Variants in MYT1L observed in about 807,000 individuals in gnomAD.
MYT1L encodes myelin transcription factor 1-like protein.
A neutral mutation model predicts 126.7 loss-of-function variants in MYT1L; 12 were observed. The observed-to-expected ratio is 0.09, with a 90% CI of 0.06 to 0.15. The LOEUF (loss-of-function observed/expected upper bound fraction) is 0.15, where lower values mean the gene tolerates loss of function less well. MYT1L is among the 10% of genes least tolerant of loss of function. The pLI is 1.00. For missense variants in MYT1L, 979 were observed against 1,585.2 expected (o/e 0.62, Z 6.49); for synonymous variants, 541 against 604.2 (o/e 0.90, Z 1.53).
At chr2:2,088,675 T>C (rs995316499) in intron 3 of MYT1L, among the ~76,000 whole-genome samples, 1 of 151,956 alleles carries the variant, frequency 6.6e-6, no homozygotes, top group East Asian at 1.9e-4. Context: ...ATAAAAAATA[T>C]GTAATTTTCC....
In MYT1L at chr2:1,878,495, C is replaced by CAGAAA. The variant is rs1243551845; in HGVS notation, c.2711+8043_2711+8044insTTTCT. ...CTCTTGTTCTTTGTGTAGTAAAAAC[C>CAGAAA]ACACAAAGAACAATATAAAATAAGT... On this transcript the variant is annotated intron_variant, in intron 18 of 24. Coordinates refer to ENST00000647738, the MANE Select transcript of MYT1L (RefSeq NM_001303052.2). Among the ~76,000 whole-genome samples the CAGAAA allele has an allele frequency of 4.6e-5, 7 of 152,116 alleles. No individual in the cohort carries two copies. The East Asian group carries it at 1.4e-3, about 29-fold the overall frequency.
At chr2:2,257,260 C>G (rs1316015361) in intron 2 of MYT1L, among the ~76,000 whole-genome samples, 2 of 152,170 alleles carry the variant, frequency 1.3e-5, no homozygotes, top group African/African-American at 2.4e-5. Context: ...AAACACACAG[C>G]CCCTGCAATT....
At chr2:2,174,713 A>C (rs1381435811) in intron 2 of MYT1L, among the ~76,000 whole-genome samples, 1 of 152,116 alleles carries the variant, frequency 6.6e-6, no homozygotes, top group Non-Finnish European at 1.5e-5. Flanking sequence ...TAAACTTGAC[A>C]TTATTGATAC....
intron 18 of MYT1L, among the ~76,000 whole-genome samples, chr2:1,853,746 C>T (rs1026274924): frequency 1.3e-5 from 2 of 152,156 alleles, no homozygotes; most frequent in Non-Finnish European, 2.9e-5. Context: ...AAAATTTATT[C>T]ATTTTAATAT....
intron 8 of MYT1L, among the ~76,000 whole-genome samples, chr2:1,961,971 G>T (rs1197933865): frequency 1.3e-5 from 2 of 152,154 alleles, no homozygotes; most frequent in Non-Finnish European, 2.9e-5. Flanking sequence ...GATGTTTCTA[G>T]CATAAAGACA....
intron 21 of MYT1L, among the ~76,000 whole-genome samples, chr2:1,829,758 C>CTCCCATACACCTGTGAATTGACCT (rs2039884250): frequency 1.5e-4 from 13 of 88,424 alleles, no homozygotes; most frequent in Admixed American, 1.2e-3. Context: ...TGAATTGACC[C>CTCCCATACACCTGTGAATTGACCT]TCCCATACAC....
chr2:2,330,791 T>A (rs1394648790), intron 1 of MYT1L, among the ~76,000 whole-genome samples, 176 bp downstream of exon 1: 1 of 152,130 alleles, frequency 6.6e-6, no homozygotes. Context: ...TAAAGACAGA[T>A]TTTTTTGTGG....
At chr2:2,328,929 G>T (rs115330774) in intron 1 of MYT1L, among the ~76,000 whole-genome samples, 2 of 152,104 alleles carry the variant, frequency 1.3e-5, no homozygotes, top group Non-Finnish European at 2.9e-5. Context: ...GACCATGAAG[G>T]CTTCTCCTAC....
intron 4 of MYT1L, among the ~76,000 whole-genome samples, chr2:2,016,447 C>A (rs556304164): frequency 5.3e-5 from 8 of 152,334 alleles, no homozygotes; most frequent in African/African-American, 1.9e-4. Context: ...GCACACGAAA[C>A]CCTAGCTCAA....
chr2:2,093,881 A>G (rs1173989884), intron 3 of MYT1L, among the ~76,000 whole-genome samples: 4 of 152,238 alleles, frequency 2.6e-5, no homozygotes, highest in African/African-American at 9.6e-5. Flanking sequence ...GGTGTAAGGA[A>G]GGGATCCAGT....
At chr2:1,914,007 G>C (rs1047529650) in intron 11 of MYT1L, among the ~76,000 whole-genome samples, 2 of 152,060 alleles carry the variant, frequency 1.3e-5, no homozygotes, top group African/African-American at 4.8e-5. Context: ...TGTAATTCCA[G>C]CACTTTGGGA....
intron 2 of MYT1L, among the ~76,000 whole-genome samples, chr2:2,204,363 C>T (rs1381959643): frequency 2.6e-5 from 4 of 151,448 alleles, no homozygotes; most frequent in Non-Finnish European, 5.9e-5. Context: ...ACCTACTCAT[C>T]TGACAAAGGG....
chr2:2,243,039 C>T (rs1018922009), intron 2 of MYT1L, among the ~76,000 whole-genome samples: 1 of 152,040 alleles, frequency 6.6e-6, no homozygotes, highest in African/African-American at 2.4e-5. Context: ...GGATGGATGG[C>T]TATCTGTTGA....
intron 2 of MYT1L, among the ~76,000 whole-genome samples, chr2:2,211,405 C>G (rs891819893): frequency 1.3e-5 from 2 of 152,080 alleles, no homozygotes; most frequent in African/African-American, 4.8e-5. Flanking sequence ...CTTCATGTAT[C>G]GTTTTTTTTA....
chr2:2,049,193 G>T (rs934360076), intron 4 of MYT1L, among the ~76,000 whole-genome samples: 5 of 152,162 alleles, frequency 3.3e-5, no homozygotes, highest in African/African-American at 1.2e-4. Flanking sequence ...CATGTATGAG[G>T]ATGATGACTA....
intron 2 of MYT1L, among the ~76,000 whole-genome samples, chr2:2,267,760 AGG>A (rs2095169524): frequency 6.6e-6 from 1 of 152,132 alleles, no homozygotes; most frequent in Non-Finnish European, 1.5e-5. Flanking sequence ...TCCTGCAAGG[AGG>A]TGCCTGGATC....
chr2:1,872,744 T>C (rs936123750), intron 18 of MYT1L, among the ~76,000 whole-genome samples: 8 of 152,236 alleles, frequency 5.3e-5, no homozygotes, highest in African/African-American at 1.7e-4. Context: ...AGGCCATTCA[T>C]GGGCTGGTTC....
Position 1,889,300 on chromosome 2 carries a change from C to A in MYT1L, c.2461G>T (p.Val821Leu). The change falls in exon 16 of 25, where the codon GTA becomes TTA. Residue 821 changes from valine (V) to leucine (L), a missense_variant. Val to Leu is a conservative substitution (Grantham distance 32). Coordinates refer to ENST00000647738, the MANE Select transcript of MYT1L (RefSeq NM_001303052.2). The surrounding 1 kb of genome is among the most constrained non-coding windows in gnomAD (Gnocchi z 4.1). ...LGEGDCWDLP[V>L]DYTKMKPRRI... ...CGGGGTTTCATTTTGGTGTAGTCTA[C>A]GGGCAAGTCCCAGCAGTCGCCCTCG... is the stretch of plus-strand genomic sequence containing the variant. 1 of 1,613,882 alleles carries A rather than the reference C, an allele frequency of 6.2e-7. No homozygotes were observed. The highest frequency in any genetic ancestry group is 8.5e-7 in the Non-Finnish European group (1 of 1,179,896).
chr2:1,860,579 G>A (rs2044462675), intron 18 of MYT1L, among the ~76,000 whole-genome samples: 1 of 152,206 alleles, frequency 6.6e-6, no homozygotes, highest in African/African-American at 2.4e-5. Flanking sequence ...TTTACATGTA[G>A]TAAAAACATG....
Sources: allele counts gnomAD v4.1 joint callset (sites outside exome capture counted in the v4.1 genomes callset), GRCh38; gene constraint gnomAD v4.1.1; non-coding constraint Gnocchi (gnomAD v3.1); transcripts MANE v1.5; gene names NCBI Gene and HGNC (gene_info 2026-07-23, HGNC 2026-07-21).